GTF2B: variants seen among roughly 807,000 people sequenced by gnomAD.
GTF2B encodes the protein general transcription factor IIB.
GTF2B carries 20 observed loss-of-function variants against 34.6 expected under a neutral mutation model. The observed-to-expected ratio is 0.58, with a 90% CI of 0.41 to 0.84. GTF2B has a LOEUF of 0.84. Among genes scored for constraint, GTF2B ranks in the 40% least tolerant of loss-of-function variants. The pLI is 0.00. For synonymous variants in GTF2B, 142 were observed against 132.4 expected, an observed-to-expected ratio of 1.07 and a Z score of -0.50; for missense variants, 237 against 393.3, an observed-to-expected ratio of 0.60 and a Z score of 3.36.
intron 2 of GTF2B, among the ~76,000 whole-genome samples, chr1:88,882,310 C>CAAAAAAAAAAAAA (rs59699371): frequency 1.2e-3 from 42 of 36,020 alleles, no homozygotes; most frequent in Middle Eastern, 0.022. Flanking sequence ...ACTCTCACTC[C>CAAAAAAAAAAAAA]AAAAAAAAAA....
In GTF2B at chr1:88,852,992, A is replaced by T. The variant is rs544557143; in HGVS notation, c.*221T>A. 66 of 458,208 alleles carry T rather than the reference A, an allele frequency of 1.4e-4. No individual in the cohort carries two copies. Among genetic ancestry groups the T allele is most frequent in the African/African-American group, 1.1e-3 (56 of 50,376 alleles). 28.4% of individuals were successfully genotyped at this position (458,208 alleles called of 1,614,324 possible). ...TAATTTCAAATATCTTCCAAAATAC[A>T]GTTTCCTAGATTGCTACAAAAGAAA... On this transcript the variant is annotated 3_prime_UTR_variant, in exon 7 of 7. Transcript: ENST00000370500.
chr1:88,871,150 C>A (rs1403884826), intron 2 of GTF2B, among the ~76,000 whole-genome samples: 2 of 152,150 alleles, frequency 1.3e-5, no homozygotes, highest in African/African-American at 4.8e-5. Flanking sequence ...TATCCGCAAA[C>A]ATTGGCCTCC....
chr1:88,868,870 G>A (rs1363730740), intron 2 of GTF2B, among the ~76,000 whole-genome samples: 1 of 151,948 alleles, frequency 6.6e-6, no homozygotes, highest in African/African-American at 2.4e-5. Context: ...CGAGTAGCTG[G>A]GACTACAGGC....
At chr1:88,854,928 C>A (rs768434627) in intron 6 of GTF2B, among the ~76,000 whole-genome samples, 1 of 152,226 alleles carries the variant, frequency 6.6e-6, no homozygotes, top group Non-Finnish European at 1.5e-5. Context: ...GTATCTCACA[C>A]TGCATTACAT....
chr1:88,866,352 G>A (rs1033243432), intron 2 of GTF2B, among the ~76,000 whole-genome samples: 7 of 152,178 alleles, frequency 4.6e-5, no homozygotes, highest in Non-Finnish European at 7.4e-5. Context: ...CCTGTCTAAA[G>A]TAAGCAAATG....
chr1:88,885,811 A>G (rs571867970), intron 2 of GTF2B, among the ~76,000 whole-genome samples: 2 of 152,354 alleles, frequency 1.3e-5, no homozygotes, highest in African/African-American at 4.8e-5. Context: ...ATGTCCTAAA[A>G]TATTATTTTT....
At chr1:88,886,740 C>T (rs1340110287) in intron 2 of GTF2B, among the ~76,000 whole-genome samples, 1 of 152,072 alleles carries the variant, frequency 6.6e-6, no homozygotes, top group African/African-American at 2.4e-5. Context: ...TCCCACCCCA[C>T]ATTATAAAAA....
At chr1:88,875,965 C>T (rs1354135730) in intron 2 of GTF2B, among the ~76,000 whole-genome samples, 1 of 152,064 alleles carries the variant, frequency 6.6e-6, no homozygotes, top group African/African-American at 2.4e-5. Flanking sequence ...TCTCAGTTTC[C>T]CCTTCTGTAA....
intron 5 of GTF2B, 140 bp downstream of exon 5, chr1:88,859,742 A>G (rs1673393316): frequency 1.6e-6 from 1 of 641,092 alleles, no homozygotes; most frequent in Middle Eastern, 4.3e-4. Flanking sequence ...AGGCTGAGGC[A>G]GGAGTATAGC....
intron 2 of GTF2B, among the ~76,000 whole-genome samples, chr1:88,886,507 T>C (rs189758677): frequency 2.0e-4 from 31 of 152,350 alleles, no homozygotes; most frequent in Admixed American, 1.8e-3. Context: ...GATGACTGTA[T>C]AAAAGTTATA....
intron 1 of GTF2B, among the ~76,000 whole-genome samples, chr1:88,888,916 AGT>A (rs1450537763): frequency 6.6e-6 from 1 of 152,208 alleles, no homozygotes; most frequent in African/African-American, 2.4e-5. Context: ...AGACTTTGCT[AGT>A]GTCTTAGCTA....
At chr1:88,879,020 T>C (rs1444854094) in intron 2 of GTF2B, among the ~76,000 whole-genome samples, 1 of 152,054 alleles carries the variant, frequency 6.6e-6, no homozygotes, top group Non-Finnish European at 1.5e-5. Context: ...CAAGATAAAA[T>C]GGTTGTTGTA....
At chr1:88,863,710 A>G (rs1399010944) in intron 3 of GTF2B, among the ~76,000 whole-genome samples, 1 of 152,200 alleles carries the variant, frequency 6.6e-6, no homozygotes, top group African/African-American at 2.4e-5. Context: ...TGAAGGCCAC[A>G]CTACACTCAT....
intron 2 of GTF2B, among the ~76,000 whole-genome samples, chr1:88,867,429 A>G (rs1452284089): frequency 6.6e-6 from 1 of 152,210 alleles, no homozygotes; most frequent in Non-Finnish European, 1.5e-5. Context: ...GTTCCCATGC[A>G]CTTATGTCCA....
Position 88,860,236 on chromosome 1 carries a change from A to T in GTF2B, c.309T>A (p.Asn103Lys). The change falls in exon 4 of 7, where the codon AAT (asparagine) becomes AAA (lysine). Residue 103 changes from asparagine (N) to lysine (K), a missense_variant. Asn to Lys is a moderately conservative substitution (Grantham distance 94). This residue lies in a region of GTF2B where 130 missense variants were observed against 170.9 expected (regional missense o/e 0.76). Transcript: ENST00000370500. ...FDEFGNSKYQ[N>K]RRTMSSSDRA... ...GATCAGAACTGCTCATTGTTCTCCG[A>T]TTCTGGTACTTAGAATTGCCAAATT... The T allele has an allele frequency of 6.2e-7, 1 of 1,613,856 alleles. No individual in the cohort carries two copies. Among genetic ancestry groups the T allele is most frequent in the Non-Finnish European group, 8.5e-7 (1 of 1,179,744 alleles).
In GTF2B at chr1:88,858,009, G is replaced by GT. The variant is rs1223251633; in HGVS notation, c.536-523dup. Among the ~76,000 whole-genome samples the GT allele has an allele frequency of 4.0e-5, 6 of 151,238 alleles. No individual in the cohort carries two copies. The East Asian group carries it at 7.8e-4, about 20-fold the overall frequency. The stretch of plus-strand genomic sequence containing the variant: ...ATGTTCTTCACTCTTTCAATTTAGA[G>GT]TTTTTTTGTTTTTTGAGATGAAATT... On this transcript the variant is annotated intron_variant, in intron 5 of 6. Transcript: ENST00000370500.
chr1:88,887,175 T>C, intron 2 of GTF2B, 86 bp downstream of exon 2: 1 of 814,152 alleles, frequency 1.2e-6, no homozygotes, highest in Admixed American at 2.1e-5. Flanking sequence ...CACCTTGGCC[T>C]CCCGAAGTGC....
At chr1:88,853,409 A>G in intron 6 of GTF2B, 63 bp from the exon 7 acceptor site, 1 of 1,448,908 alleles carries the variant, frequency 6.9e-7, no homozygotes, top group Non-Finnish European at 9.6e-7. Context: ...CACTACCTGC[A>G]TTGTAATTTG....
At chr1:88,881,995 T>C (rs1204613137) in intron 2 of GTF2B, among the ~76,000 whole-genome samples, 2 of 152,008 alleles carry the variant, frequency 1.3e-5, no homozygotes, top group East Asian at 1.9e-4. Context: ...AGGCTGAAAA[T>C]ATAATGGGAT....
Sources: allele counts gnomAD v4.1 joint callset (sites outside exome capture counted in the v4.1 genomes callset), GRCh38; gene constraint gnomAD v4.1.1; regional missense constraint gnomAD v4.1.1; transcripts MANE v1.5; gene names NCBI Gene and HGNC (gene_info 2026-07-23, HGNC 2026-07-21).